The following VPS8 variants were observed in gnomAD, a reference collection of about 807,000 sequenced individuals.
VPS8 encodes vacuolar protein sorting-associated protein 8 homolog.
A neutral mutation model predicts 216.4 loss-of-function variants in VPS8; 129 were observed. The observed-to-expected ratio is 0.60, with a 90% CI of 0.52 to 0.69. The LOEUF is 0.69. VPS8 is among the 30% of genes least tolerant of loss of function. The probability of loss-of-function intolerance (pLI) is 0.00; values close to 1 mark genes in which losing one functional copy is unlikely to be tolerated. For synonymous variants in VPS8, 571 were observed against 565.4 expected, an observed-to-expected ratio of 1.01 and a Z score of -0.14; for missense variants, 1,531 against 1,683.5, an observed-to-expected ratio of 0.91 and a Z score of 1.59.
At chr3:184,860,675 AT>A (rs913449648) in intron 15 of VPS8, among the ~76,000 whole-genome samples, 1 of 152,108 alleles carries the variant, frequency 6.6e-6, no homozygotes, top group African/African-American at 2.4e-5. Context: ...TTTGAGAATC[AT>A]TGCCTTGCTT....
Position 184,915,027 on chromosome 3 carries a change from G to C in VPS8, c.2236G>C (p.Asp746His). 1 of 1,613,956 alleles carries C rather than the reference G, an allele frequency of 6.2e-7. No homozygotes were observed. The highest frequency in any genetic ancestry group is 8.5e-7 in the Non-Finnish European group (1 of 1,179,862). The change falls in exon 27 of 48, where the codon GAT becomes CAT. Residue 746 changes from aspartate (D) to histidine (H), a missense_variant. Coordinates refer to ENST00000625842, the MANE Select transcript of VPS8 (RefSeq NM_001009921.3). ...CTATCCCCTTGGTGACATCCCTGAA[G>C]ATCTGGTTCCCTTGGTTAAAAACCA... ...RAYPLGDIPE[D>H]LVPLVKNQVF...
intron 25 of VPS8, among the ~76,000 whole-genome samples, chr3:184,912,437 C>A (rs1736731112): frequency 6.6e-6 from 1 of 152,156 alleles, no homozygotes; most frequent in Non-Finnish European, 1.5e-5. Flanking sequence ...TTGCAGCAAT[C>A]TGTTTAGGAA....
intron 40 of VPS8, among the ~76,000 whole-genome samples, chr3:184,972,946 A>C (rs1011990060): frequency 6.6e-6 from 1 of 152,222 alleles, no homozygotes; most frequent in Non-Finnish European, 1.5e-5. Context: ...ATATTTAGCC[A>C]TACATGTTAC....
At chr3:184,943,250 A>C (rs187029452) in intron 36 of VPS8, among the ~76,000 whole-genome samples, 98 of 152,228 alleles carry the variant, frequency 6.4e-4, no homozygotes, top group Non-Finnish European at 1.8e-4. Flanking sequence ...TATATAAATG[A>C]CATATGAAAA....
In VPS8 at chr3:184,893,453, AGAAT is replaced by A. The variant is rs1732755713; in HGVS notation, c.1782-1246_1782-1243del. The A allele has an allele frequency of 3.6e-6, 3 of 823,412 alleles. No individual in the cohort carries two copies. In the South Asian group the frequency reaches 8.7e-5, roughly 24 times the overall value. The allele number at this position is 823,412 out of a possible 1,614,324, so 51.0% of individuals were successfully genotyped here. On this transcript the variant is annotated intron_variant, in intron 22 of 47. Transcript: ENST00000625842. ...ACAGTTTTTGTATTTTTTAAAAAACAGAATGAACAAAGAAGTGAATGATACAAGG... is the reference window on the plus strand; with the variant it reads ...ACAGTTTTTGTATTTTTTAAAAAACAGAACAAAGAAGTGAATGATACAAGG...
intron 37 of VPS8, among the ~76,000 whole-genome samples, chr3:184,957,836 A>G (rs1745872484): frequency 6.6e-6 from 1 of 152,190 alleles, no homozygotes; most frequent in Non-Finnish European, 1.5e-5. Context: ...GACAGGAGAG[A>G]GCAGTTCCAG....
intron 45 of VPS8, among the ~76,000 whole-genome samples, chr3:185,007,274 C>T (rs895122040): frequency 5.3e-5 from 8 of 152,210 alleles, no homozygotes; most frequent in African/African-American, 1.9e-4. Flanking sequence ...ACATATTACC[C>T]ACAGGAGAAA....
chr3:184,858,301 C>A (rs1423730256), intron 14 of VPS8, among the ~76,000 whole-genome samples: 1 of 151,856 alleles, frequency 6.6e-6, no homozygotes. Flanking sequence ...AAGAGTTACA[C>A]AAGGGAACTT....
intron 39 of VPS8, among the ~76,000 whole-genome samples, chr3:184,970,831 G>A (rs1182566372): frequency 6.6e-6 from 1 of 152,216 alleles, no homozygotes; most frequent in Non-Finnish European, 1.5e-5. Context: ...TCAACTAAGA[G>A]ACTATTGCAG....
At chr3:184,851,538 C>A (rs1354642882) in intron 10 of VPS8, among the ~76,000 whole-genome samples, 1 of 151,916 alleles carries the variant, frequency 6.6e-6, no homozygotes, top group East Asian at 1.9e-4. Context: ...AAAGCACGTA[C>A]AAAAGAAATA....
intron 21 of VPS8, among the ~76,000 whole-genome samples, chr3:184,873,151 A>G (rs565996965): frequency 2.0e-5 from 3 of 152,278 alleles, no homozygotes; most frequent in South Asian, 2.1e-4. Context: ...CTAAGGCAGT[A>G]GGTGTCATTT....
At chr3:184,893,197 G>A in intron 22 of VPS8, 1 of 1,210,288 alleles carries the variant, frequency 8.3e-7, no homozygotes, top group Non-Finnish European at 1.1e-6. Context: ...TTCTGGTGCA[G>A]TTGTAGCCAG....
intron 45 of VPS8, among the ~76,000 whole-genome samples, chr3:185,018,811 T>A (rs536035075): frequency 1.3e-5 from 2 of 152,312 alleles, no homozygotes; most frequent in African/African-American, 4.8e-5. Flanking sequence ...TAAATCACCT[T>A]CTCTTCTAGC....
At chr3:184,846,851 A>C (rs192972098) in intron 8 of VPS8, among the ~76,000 whole-genome samples, 15 of 152,384 alleles carry the variant, frequency 9.8e-5, no homozygotes, top group Non-Finnish European at 1.8e-4. Context: ...TCCACTAACT[A>C]TACAGCGTGG....
intron 5 of VPS8, among the ~76,000 whole-genome samples, chr3:184,837,309 A>G (rs1721284216): frequency 6.6e-6 from 1 of 152,140 alleles, no homozygotes; most frequent in South Asian, 2.1e-4. Context: ...ATTTTGTTCA[A>G]TGTCATTTTG....
rs532091500 is a variant in VPS8, at chr3:184,873,862, G to A, written c.1734+3057G>A. On this transcript the variant is annotated intron_variant, in intron 21 of 47. Coordinates refer to ENST00000625842, the MANE Select transcript of VPS8 (RefSeq NM_001009921.3). Reference sequence around the variant, plus strand: ...ATGAATAATTTGCAAGTAACTTTGCGTCAATTTTCAAATAAGGCATTCTTG... The same window carrying A: ...ATGAATAATTTGCAAGTAACTTTGCATCAATTTTCAAATAAGGCATTCTTG... Among the ~76,000 whole-genome samples the A allele has an allele frequency of 1.5e-4, 23 of 152,160 alleles. No homozygotes were observed. In the East Asian group the frequency reaches 2.3e-3, roughly 15 times the overall value.
At chr3:184,850,746 A>G (rs1276264435) in intron 10 of VPS8, among the ~76,000 whole-genome samples, 4 of 152,248 alleles carry the variant, frequency 2.6e-5, no homozygotes, top group Non-Finnish European at 1.5e-5. Context: ...AATCATCTAC[A>G]CATTTTGTTG....
chr3:184,832,816 A>G lies in VPS8; in HGVS notation c.350A>G (p.Lys117Arg), dbSNP rs777892976. Residue 117 changes from lysine to arginine, a missense_variant, in exon 4 of 48, where the codon AAA (lysine) becomes AGA (arginine). Lys to Arg is a conservative substitution (Grantham distance 26, BLOSUM62 2). Around this residue, in one of 3 missense-constraint regions of VPS8, gnomAD observed 199 missense variants for 182.2 expected, o/e 1.09. Coordinates refer to ENST00000625842, the MANE Select transcript of VPS8 (RefSeq NM_001009921.3). ...SSDSGDRTNL[K>R]RKKKLPDSFS... ...GATAGTGGTGACAGGACCAACTTAA[A>G]AAGGTAGGTATTCATGTCAATCATA... The G allele has an allele frequency of 1.9e-6, 3 of 1,607,074 alleles. 1 individual carries two copies. Among genetic ancestry groups the G allele is most frequent in the South Asian group, 2.2e-5 (2 of 90,030 alleles).
chr3:184,834,995 G>T (rs1720754686), intron 5 of VPS8: 1 of 323,196 alleles, frequency 3.1e-6, no homozygotes, highest in Non-Finnish European at 5.6e-6. Context: ...ATGGCAGCAA[G>T]CCTAAAATAA....
Sources: gnomAD v4.1 joint callset for allele counts (sites outside exome capture counted in the v4.1 genomes callset) on GRCh38, gnomAD v4.1.1 for gene constraint, gnomAD v4.1.1 regional missense constraint, MANE v1.5 for transcripts, NCBI Gene and HGNC (gene_info 2026-07-23, HGNC 2026-07-21) for gene names.